The following GALNT9 variants were observed in gnomAD, a reference collection of about 807,000 sequenced individuals.
The protein encoded by GALNT9 is GalNAc transferase 9.
A neutral mutation model predicts 63.1 loss-of-function variants in GALNT9; 47 were observed. The ratio of observed to expected loss-of-function variants is 0.75; its 90% CI spans 0.59 to 0.95. The LOEUF (loss-of-function observed/expected upper bound fraction) is 0.95, where lower values mean the gene tolerates loss of function less well. Among genes scored for constraint, GALNT9 ranks in the 40% least tolerant of loss-of-function variants. The pLI, the probability that GALNT9 is intolerant of heterozygous loss-of-function variation, is 0.00. For missense variants in GALNT9, 829 were observed against 874.8 expected (o/e 0.95, Z 0.66); for synonymous variants, 396 against 365.7 (o/e 1.08, Z -0.94).
In GALNT9 at chr12:132,262,564, T is replaced by C; in HGVS notation, c.481A>G (p.Asn161Asp). The C allele has an allele frequency of 6.4e-7, 1 of 1,551,494 alleles. No homozygotes were observed. The highest frequency in any genetic ancestry group is 8.7e-7 in the Non-Finnish European group (1 of 1,146,910). Residue 161 changes from asparagine to aspartate, a missense_variant, in exon 3 of 11, where the codon AAT (asparagine) becomes GAT (aspartate). Coordinates refer to ENST00000328957, the MANE Select transcript of GALNT9 (RefSeq NM_001122636.2). ...PQVSVVFIFV[N>D]EALSVILRSV... ...CGCAGGATGACCGACAGCGCCTCAT[T>C]GACGAAGATGAAGACCACGGAGACC...
At chr12:132,322,877 G>A (rs941937333) in intron 1 of GALNT9, among the ~76,000 whole-genome samples, 3 of 152,228 alleles carry the variant, frequency 2.0e-5, no homozygotes, top group Non-Finnish European at 4.4e-5. Context: ...GTCAGACTTA[G>A]GCTGACACCA....
intron 7 of GALNT9, among the ~76,000 whole-genome samples, chr12:132,201,912 G>A (rs891711644): frequency 8.7e-6 from 1 of 114,570 alleles, no homozygotes; most frequent in Non-Finnish European, 2.1e-5. Context: ...CTGAGAGGCT[G>A]TAGGGACCAG....
Position 132,310,258 on chromosome 12 carries a change from C to T in GALNT9, c.238+18708G>A, listed in dbSNP as rs1228017593. ...CCAGCCCTCCAGGTCTCACCGGCCA[C>T]ACCGCGGTTCGGCATTTCAGTTGGG... On this transcript the variant is annotated intron_variant, in intron 1 of 10. Transcript: ENST00000328957. The surrounding 1 kb of genome is among the most constrained non-coding windows in gnomAD (Gnocchi z 4.8). Among the ~76,000 whole-genome samples, 5 of 152,162 alleles carry T rather than the reference C, an allele frequency of 3.3e-5. No homozygotes were observed. Among genetic ancestry groups the T allele is most frequent in the African/African-American group, 1.2e-4 (5 of 41,436 alleles).
At chr12:132,311,605 G>A (rs1881814083) in intron 1 of GALNT9, among the ~76,000 whole-genome samples, 1 of 152,230 alleles carries the variant, frequency 6.6e-6, no homozygotes, top group Non-Finnish European at 1.5e-5. Context: ...GGCAGAGAGA[G>A]CAGATGTGGA....
In GALNT9 at chr12:132,319,493, T is replaced by G. The variant is rs1456242537; in HGVS notation, c.238+9473A>C. ...TCAGGCCAAAGGACCCCACCCAGCT[T>G]CCCGGGCCTGCAGCTTGCAGACGGC... On this transcript the variant is annotated intron_variant, in intron 1 of 10. Coordinates refer to ENST00000328957, the MANE Select transcript of GALNT9 (RefSeq NM_001122636.2). This position sits in a 1 kb window ranked among gnomAD's most constrained non-coding sequence, Gnocchi z 5.2. Among the ~76,000 whole-genome samples, 1 of 152,022 alleles carries G rather than the reference T, an allele frequency of 6.6e-6. No individual in the cohort carries two copies. The highest frequency in any genetic ancestry group is 1.5e-5 in the Non-Finnish European group (1 of 67,976).
intron 1 of GALNT9, among the ~76,000 whole-genome samples, chr12:132,294,817 G>A (rs1277566299): frequency 3.3e-5 from 5 of 152,208 alleles, no homozygotes; most frequent in Non-Finnish European, 7.3e-5. Context: ...AAAATCCCAC[G>A]GATCTGATTT....
intron 6 of GALNT9, among the ~76,000 whole-genome samples, chr12:132,218,115 C>T (rs558386012): frequency 1.2e-4 from 18 of 152,168 alleles, no homozygotes; most frequent in Admixed American, 2.6e-4. Context: ...GCCCACCTAG[C>T]GACCATCTAT....
chr12:132,285,660 G>A (rs1880558612), intron 2 of GALNT9, among the ~76,000 whole-genome samples: 1 of 152,248 alleles, frequency 6.6e-6, no homozygotes, highest in Non-Finnish European at 1.5e-5. Flanking sequence ...CACAGCAGGT[G>A]GGACCAGGGC....
intron 6 of GALNT9, among the ~76,000 whole-genome samples, chr12:132,206,945 G>A (rs1328578527): frequency 6.6e-6 from 1 of 152,170 alleles, no homozygotes; most frequent in Non-Finnish European, 1.5e-5. Context: ...CATGCCTGCG[G>A]TCCCAGCTGC....
At chr12:132,243,302 T>A (rs1400955129) in intron 6 of GALNT9, among the ~76,000 whole-genome samples, 1 of 138,366 alleles carries the variant, frequency 7.2e-6, no homozygotes, top group African/African-American at 3.2e-5. Flanking sequence ...GGGCCCTCCC[T>A]ATACCCATTA....
At position 132,198,049 on chromosome 12, in the gene GALNT9, C is replaced by T. The variant is rs376385695; in HGVS notation, c.1498-90G>A. ...AGGCCGTGCGAGCTGCCTTGAGCTG[C>T]AAACGGGGCCCTGCGCGGCTGCCTT... On this transcript the variant is annotated intron_variant, in intron 9 of 10. Coordinates refer to ENST00000328957, the MANE Select transcript of GALNT9 (RefSeq NM_001122636.2). 820 of 1,105,002 alleles carry T rather than the reference C, an allele frequency of 7.4e-4. 18 individuals carry two copies. The South Asian group carries it at 0.012, about 16-fold the overall frequency. 68.4% of individuals were successfully genotyped at this position (1,105,002 alleles called of 1,614,324 possible).
chr12:132,256,847 C>A (rs1428731355), intron 5 of GALNT9, among the ~76,000 whole-genome samples: 1 of 152,252 alleles, frequency 6.6e-6, no homozygotes, highest in Non-Finnish European at 1.5e-5. Context: ...TCAGCCACCC[C>A]AGTGGGCACA....
intron 2 of GALNT9, chr12:132,284,669 G>A (rs1437654306): frequency 6.6e-6 from 1 of 152,254 alleles, no homozygotes; most frequent in African/African-American, 2.4e-5. Flanking sequence ...TTGTCTAAAG[G>A]ACTCGGGGAA....
intron 5 of GALNT9, among the ~76,000 whole-genome samples, chr12:132,257,257 G>A (rs1287023796): frequency 3.9e-5 from 6 of 152,192 alleles, no homozygotes; most frequent in East Asian, 1.9e-4. Context: ...CCTTCAAGCC[G>A]TTAGTACTGG....
intron 6 of GALNT9, among the ~76,000 whole-genome samples, chr12:132,218,346 C>A (rs376589129): frequency 6.6e-6 from 1 of 152,188 alleles, no homozygotes; most frequent in Non-Finnish European, 1.5e-5. Flanking sequence ...ATCCTGACCC[C>A]CAGGTTGTCT....
In GALNT9 at chr12:132,316,028, G is replaced by A. The variant is rs1007968666; in HGVS notation, c.238+12938C>T. Among the ~76,000 whole-genome samples, 3 of 152,144 alleles carry A rather than the reference G, an allele frequency of 2.0e-5. No individual in the cohort carries two copies. Among genetic ancestry groups the A allele is most frequent in the Admixed American group, 1.3e-4 (2 of 15,286 alleles). On this transcript the variant is annotated intron_variant, in intron 1 of 10. Transcript: ENST00000328957. This position sits in a 1 kb window ranked among gnomAD's most constrained non-coding sequence, Gnocchi z 4.3. The stretch of plus-strand genomic sequence containing the variant: ...AGGGCACGGCAGGCAGGCAGCCCCC[G>A]AAACGGCCGCCCACCCCCTCACGCC...
rs1878014481 is a variant in GALNT9 at position 132,236,674 on chromosome 12, T to TC, written c.1077+11235dup. The stretch of plus-strand genomic sequence containing the variant: ...GCGAAAACCAAAGCCATCCCGAAGA[T>TC]CGCCCAGCCTCGCAAGGTGTAAGGT... On this transcript the variant is annotated intron_variant, in intron 6 of 10. Coordinates refer to ENST00000328957, the MANE Select transcript of GALNT9 (RefSeq NM_001122636.2). The surrounding 1 kb of genome is among the most constrained non-coding windows in gnomAD (Gnocchi z 5.6). Among the ~76,000 whole-genome samples, 1 of 152,146 alleles carries TC rather than the reference T, an allele frequency of 6.6e-6. No homozygotes were observed. Among genetic ancestry groups the TC allele is most frequent in the African/African-American group, 2.4e-5 (1 of 41,410 alleles).
chr12:132,202,229 C>T (rs978595179), intron 7 of GALNT9, among the ~76,000 whole-genome samples: 1 of 152,222 alleles, frequency 6.6e-6, no homozygotes, highest in Admixed American at 6.5e-5. Context: ...CCTCACTGCC[C>T]GGGGGCCTGG....
intron 1 of GALNT9, among the ~76,000 whole-genome samples, chr12:132,300,445 C>A (rs1442517239): frequency 7.0e-6 from 1 of 143,410 alleles, no homozygotes; most frequent in Non-Finnish European, 1.5e-5. Flanking sequence ...CTGAGATAAC[C>A]AAGCCACTGC....
Sources: gnomAD v4.1 joint callset for allele counts (sites outside exome capture counted in the v4.1 genomes callset) on GRCh38, gnomAD v4.1.1 for gene constraint, Gnocchi (gnomAD v3.1) non-coding constraint, MANE v1.5 for transcripts, NCBI Gene and HGNC (gene_info 2026-07-23, HGNC 2026-07-21) for gene names.